The following OCA2 variants were observed in gnomAD, a reference collection of about 807,000 sequenced individuals.
OCA2 encodes the protein P protein.
In OCA2, 77 loss-of-function variants were observed where a neutral mutation model predicts 100.2. The observed-to-expected ratio is 0.77, with a 90% confidence interval of 0.64 to 0.93. The LOEUF (loss-of-function observed/expected upper bound fraction) is 0.93. Among genes scored for constraint, OCA2 ranks in the 40% least tolerant of loss-of-function variants. The probability of loss-of-function intolerance (pLI) is 0.00; values close to 1 mark genes in which losing one functional copy is unlikely to be tolerated. For synonymous variants in OCA2, 432 were observed against 439.2 expected (o/e 0.98, Z 0.21); for missense variants, 1,062 against 1,089.1 (o/e 0.98, Z 0.35).
intron 2 of OCA2, among the ~76,000 whole-genome samples, chr15:28,080,605 C>T (rs1212810641): frequency 6.6e-6 from 1 of 152,170 alleles, no homozygotes; most frequent in Non-Finnish European, 1.5e-5. Flanking sequence ...CCCCCTGGAG[C>T]GGGCAGGATG....
chr15:27,839,303 A>G (rs1567010456), intron 23 of OCA2, among the ~76,000 whole-genome samples: 1 of 152,360 alleles, frequency 6.6e-6, no homozygotes, highest in South Asian at 2.1e-4. Context: ...AAAGATATAC[A>G]CATAGAGAAA....
intron 18 of OCA2, among the ~76,000 whole-genome samples, chr15:27,929,207 A>G (rs56192865): frequency 0.19 from 29,369 of 152,216 alleles, 4,134 homozygotes; most frequent in East Asian, 0.62. Flanking sequence ...TTATAAAAAA[A>G]TAAAAAAGAA....
At chr15:27,949,606 T>C (rs967724970) in intron 18 of OCA2, among the ~76,000 whole-genome samples, 3 of 152,136 alleles carry the variant, frequency 2.0e-5, no homozygotes, top group Non-Finnish European at 4.4e-5. Context: ...GAGGCTGCAC[T>C]GAGTTGAGAT....
chr15:27,750,801 C>T (rs907404812), downstream of OCA2, among the ~76,000 whole-genome samples: 1 of 152,182 alleles, frequency 6.6e-6, no homozygotes, highest in African/African-American at 2.4e-5. Flanking sequence ...AGGTCTGTGC[C>T]AAAAGGCAAG....
At chr15:27,788,860 T>C (rs2032945670) in intron 23 of OCA2, among the ~76,000 whole-genome samples, 2 of 152,060 alleles carry the variant, frequency 1.3e-5, no homozygotes, top group Non-Finnish European at 2.9e-5. Context: ...TGTTGCTATT[T>C]TTACTTTGTG....
chr15:27,954,817 C>T (rs1225253638), intron 17 of OCA2, among the ~76,000 whole-genome samples: 1 of 152,222 alleles, frequency 6.6e-6, no homozygotes, highest in African/African-American at 2.4e-5. Context: ...CATGCCTTGC[C>T]GGTCTCCCCT....
At chr15:27,894,348 T>C (rs544347668) in intron 19 of OCA2, among the ~76,000 whole-genome samples, 2 of 152,306 alleles carry the variant, frequency 1.3e-5, no homozygotes, top group African/African-American at 4.8e-5. Context: ...GGGAGACGCA[T>C]AGCTAAGATG....
chr15:27,966,653 G>C (rs1261752436), intron 15 of OCA2, 37 bp downstream of exon 15: 2 of 1,611,614 alleles, frequency 1.2e-6, no homozygotes, highest in Non-Finnish European at 1.7e-6. Flanking sequence ...TTATGGTCAT[G>C]AAATCTGAGC....
At chr15:28,027,664 T>C (rs1315822282) in intron 4 of OCA2, among the ~76,000 whole-genome samples, 2 of 152,196 alleles carry the variant, frequency 1.3e-5, no homozygotes, top group East Asian at 3.9e-4. Flanking sequence ...GTTTGTCCTC[T>C]CCGGCGCTGC....
intron 23 of OCA2, among the ~76,000 whole-genome samples, chr15:27,815,529 T>C (rs937971016): frequency 6.6e-6 from 1 of 152,174 alleles, no homozygotes; most frequent in Admixed American, 6.5e-5. Flanking sequence ...TGCAACTTAT[T>C]GAAAGGGCAA....
At chr15:27,893,304 C>T (rs936959279) in intron 19 of OCA2, among the ~76,000 whole-genome samples, 1 of 152,160 alleles carries the variant, frequency 6.6e-6, no homozygotes, top group South Asian at 2.1e-4. Flanking sequence ...CTCAGGACCA[C>T]TGTGATAATT....
intron 19 of OCA2, among the ~76,000 whole-genome samples, chr15:27,904,349 T>C (rs961871215): frequency 6.6e-6 from 1 of 152,154 alleles, no homozygotes; most frequent in Non-Finnish European, 1.5e-5. Context: ...CCGACCATGC[T>C]GGGGCCTAAG....
chr15:28,018,498 G>C lies in OCA2; in HGVS notation c.706C>G (p.Leu236Val). ...GGACGACTCGGCCCACTGGCCACTAGGGCCCCTGCCAGGTCCACCTGCAGC... is the reference window on the plus strand; with the variant it reads ...GGACGACTCGGCCCACTGGCCACTACGGCCCCTGCCAGGTCCACCTGCAGC... Reference protein sequence around the residue: ...TLLQVDLAGALVASGPSRPGR... With the variant: ...TLLQVDLAGAVVASGPSRPGR... Residue 236 changes from leucine to valine, a missense_variant, in exon 7 of 24, where the codon CTA becomes GTA. Physicochemically the swap from Leu to Val is conservative, Grantham distance 32. Coordinates refer to ENST00000354638, the MANE Select transcript of OCA2 (RefSeq NM_000275.3). 2 of 1,613,714 alleles carry C rather than the reference G, an allele frequency of 1.2e-6. No individual in the cohort carries two copies. Among genetic ancestry groups the C allele is most frequent in the Non-Finnish European group, 1.7e-6 (2 of 1,179,916 alleles).
intron 23 of OCA2, among the ~76,000 whole-genome samples, chr15:27,839,381 G>A (rs1019415096): frequency 3.3e-5 from 5 of 152,198 alleles, no homozygotes; most frequent in South Asian, 2.1e-4. Flanking sequence ...ATAAATGTGA[G>A]TGGACTAAGT....
chr15:27,874,993 A>G (rs886505072), intron 19 of OCA2, among the ~76,000 whole-genome samples: 1 of 152,210 alleles, frequency 6.6e-6, no homozygotes, highest in Non-Finnish European at 1.5e-5. Flanking sequence ...GGAAATATGA[A>G]GCATGAAAAT....
At chr15:27,876,694 A>T (rs1326466387) in intron 19 of OCA2, among the ~76,000 whole-genome samples, 1 of 151,938 alleles carries the variant, frequency 6.6e-6, no homozygotes, top group Non-Finnish European at 1.5e-5. Flanking sequence ...GAACTATTCC[A>T]TTTCATGTAG....
intron 19 of OCA2, among the ~76,000 whole-genome samples, chr15:27,920,032 C>A (rs1013824416): frequency 2.6e-5 from 4 of 151,902 alleles, no homozygotes; most frequent in Admixed American, 2.0e-4. Flanking sequence ...GATGCCTTAA[C>A]AGAGAGGCCA....
intron 1 of OCA2, among the ~76,000 whole-genome samples, chr15:28,096,463 C>A (rs7164220): frequency 0.82 from 124,717 of 152,086 alleles, 52,475 homozygotes; most frequent in Non-Finnish European, 0.9. Context: ...GTTCCCGGAT[C>A]CCAGGGAGGG....
intron 13 of OCA2, among the ~76,000 whole-genome samples, chr15:27,984,323 C>A (rs1595762762): frequency 6.6e-6 from 1 of 152,096 alleles, no homozygotes; most frequent in African/African-American, 2.4e-5. Flanking sequence ...CTCTACAGCT[C>A]CCCAGGGGAC....
Sources: gnomAD v4.1 joint callset for allele counts (sites outside exome capture counted in the v4.1 genomes callset) on GRCh38, gnomAD v4.1.1 for gene constraint, MANE v1.5 for transcripts, NCBI Gene and HGNC (gene_info 2026-07-23, HGNC 2026-07-21) for gene names.